CDH24: variants seen among roughly 807,000 people sequenced by gnomAD.
The protein encoded by CDH24 is cadherin-24.
CDH24 carries 61 observed loss-of-function variants against 71.2 expected under a neutral mutation model. The observed-to-expected ratio is 0.86, with a 90% CI of 0.70 to 1.06. The LOEUF (loss-of-function observed/expected upper bound fraction) is 1.06. Ranked by LOEUF, CDH24 falls within the 50% of genes least tolerant of loss-of-function variation. CDH24 has a pLI of 0.00. For missense variants in CDH24, 961 were observed against 1,083.7 expected, an observed-to-expected ratio of 0.89 and a Z score of 1.59; for synonymous variants, 440 against 470.2, an observed-to-expected ratio of 0.94 and a Z score of 0.83.
chr14:23,056,446 G>A (rs1274191923), intron 1 of CDH24, among the ~76,000 whole-genome samples: 1 of 152,204 alleles, frequency 6.6e-6, no homozygotes, highest in Non-Finnish European at 1.5e-5. Flanking sequence ...GATACAGGGT[G>A]GGGGACAGGG....
intron 10 of CDH24, 107 bp from the exon 11 acceptor site, chr14:23,049,382 G>GCCC (rs2047067313): frequency 8.9e-7 from 1 of 1,120,302 alleles, no homozygotes; most frequent in Admixed American, 2.3e-5. Context: ...CATAGAGCCA[G>GCCC]CCCATAGGTC....
chr14:23,054,270 G>C lies in CDH24; in HGVS notation c.843C>G (p.Leu281=). 1.2e-6 allele frequency: 2 copies of C among 1,613,212 alleles called. No individual in the cohort carries two copies. The highest frequency in any genetic ancestry group is 1.7e-6 in the Non-Finnish European group (2 of 1,179,522). Residue 281 remains leucine (L), a synonymous_variant, in exon 6 of 13, where the codon CTC becomes CTG. Transcript: ENST00000487137. This position sits in a 1 kb window ranked among gnomAD's most constrained non-coding sequence, Gnocchi z 5.2. ...TAGPGTLVGR[L]RAQDPDLGDN... ...CCCCCAGGTCTGGGTCCTGGGCCCGGAGCCGGCCCACCAGTGTGCCAGGTC... is the reference window on the plus strand; with the variant it reads ...CCCCCAGGTCTGGGTCCTGGGCCCGCAGCCGGCCCACCAGTGTGCCAGGTC...
chr14:23,053,740 A>T lies in CDH24; in HGVS notation c.982T>A (p.Phe328Ile), dbSNP rs2047102923. The change falls in exon 7 of 13, where the codon TTT (phenylalanine) becomes ATT (isoleucine). Residue 328 changes from phenylalanine to isoleucine, a missense_variant. Transcript: ENST00000487137. ...GLLTVRKPLDFESQRSYSFRV... is the reference protein window; with the variant it reads ...GLLTVRKPLDIESQRSYSFRV... ...AAGGAGTAGGAGCGCTGGCTCTCAA[A>T]GTCTAGGGGCTATGGTGAGGGGAGA... 4 of 1,602,900 alleles carry T rather than the reference A, an allele frequency of 2.5e-6. No individual in the cohort carries two copies. The highest frequency in any genetic ancestry group is 3.4e-6 in the Non-Finnish European group (4 of 1,174,324).
In CDH24 at chr14:23,049,586, G is replaced by A. The variant is rs776628061; in HGVS notation, c.1597+41C>T. ...TAGGGGTGGAGGAGGAGGAGAAGGG[G>A]ACAGAGGCAGGTATGGACATGGCTG... On this transcript the variant is annotated intron_variant, in intron 10 of 12. Coordinates refer to ENST00000487137, the MANE Select transcript of CDH24 (RefSeq NM_144985.4). The A allele has an allele frequency of 2.7e-5, 32 of 1,203,004 alleles. No homozygotes were observed. In the South Asian group the frequency reaches 4.0e-4, roughly 15 times the overall value. The allele number at this position is 1,203,004 out of a possible 1,614,324, so 74.5% of individuals were successfully genotyped here.
rs748984616 is a variant in CDH24, at chr14:23,048,426, C to T, written c.1900G>A (p.Val634Ile). ...LRRQKQEALM[V>I]LEEEDVRENI... ...TCTCGGACGTCCTCCTCCTCCAGTA[C>T]CATCAGTGCTTCTTGCTTCTGCCGC... Residue 634 changes from valine (V) to isoleucine (I), a missense_variant, in exon 12 of 13, where the codon GTA (valine) becomes ATA (isoleucine). Transcript: ENST00000487137. The T allele has an allele frequency of 8.1e-6, 13 of 1,612,148 alleles. No individual in the cohort carries two copies. Among genetic ancestry groups the T allele is most frequent in the Non-Finnish European group, 1.0e-5 (12 of 1,179,634 alleles).
Position 23,055,388 on chromosome 14 carries a change from A to G in CDH24, c.202-35T>C. 1 of 1,596,346 alleles carries G rather than the reference A, an allele frequency of 6.3e-7. No individual in the cohort carries two copies. Among genetic ancestry groups the G allele is most frequent in the Non-Finnish European group, 8.6e-7 (1 of 1,167,084 alleles). On this transcript the variant is annotated intron_variant, in intron 2 of 12. Transcript: ENST00000487137. The surrounding 1 kb of genome is among the most constrained non-coding windows in gnomAD (Gnocchi z 4.1). Reference sequence around the variant, plus strand: ...TCACGAAAAGATGGCAGAGGGCTCCAAGTACAGAGACAGGGTTAAAGAGTC... The same window carrying G: ...TCACGAAAAGATGGCAGAGGGCTCCGAGTACAGAGACAGGGTTAAAGAGTC...
In CDH24 at chr14:23,048,223, G is replaced by A. The variant is rs1442241068; in HGVS notation, c.2103C>T (p.Asp701=). ...GCCGCAGCGCCAGGAGCTGCGCCAC[G>A]TCGGCGGGGCCGGGGGGTCTGGGCT... The part of the protein sequence containing the change: ...SRQPRPPGPA[D]VAQLLALRLR... Residue 701 remains aspartate (D), a synonymous_variant, in exon 12 of 13, where the codon GAC becomes GAT. Coordinates refer to ENST00000487137, the MANE Select transcript of CDH24 (RefSeq NM_144985.4). The A allele has an allele frequency of 7.6e-7, 1 of 1,307,906 alleles. No homozygotes were observed. 81.0% of individuals were successfully genotyped at this position (1,307,906 alleles called of 1,614,324 possible).
At chr14:23,048,543 A>G in intron 11 of CDH24, 64 bp from the exon 12 acceptor site, 2 of 1,543,884 alleles carry the variant, frequency 1.3e-6, no homozygotes, top group Non-Finnish European at 8.8e-7. Context: ...GCCTGTCTCC[A>G]TGTGAAAGGC....
In CDH24 at chr14:23,055,521, G is replaced by A; in HGVS notation, c.201+12C>T. The A allele has an allele frequency of 6.2e-7, 1 of 1,612,972 alleles. No individual in the cohort carries two copies. Among genetic ancestry groups the A allele is most frequent in the East Asian group, 2.2e-5 (1 of 44,858 alleles). On this transcript the variant is annotated intron_variant, in intron 2 of 12. Transcript: ENST00000487137. The surrounding 1 kb of genome is among the most constrained non-coding windows in gnomAD (Gnocchi z 4.1). ...TTGGTGTCAGAGTAGACATGGGAGG[G>A]GTCATCCTTACCTTGCCAATGAGAA...
Position 23,048,345 on chromosome 14 carries a change from C to T in CDH24, c.1981G>A (p.Asp661Asn), listed in dbSNP as rs1390080629. Residue 661 changes from aspartate (D) to asparagine (N), a missense_variant, in exon 12 of 13, where the codon GAC becomes AAC. Physicochemically the swap from Asp to Asn is conservative, Grantham distance 23. Around this residue, in one of 2 missense-constraint regions of CDH24, gnomAD observed 290 missense variants for 272.8 expected, o/e 1.06. Coordinates refer to ENST00000487137, the MANE Select transcript of CDH24 (RefSeq NM_144985.4). ...GGGEEDTEAF[D>N]ITALQNPDGA... ...TCCGGGTTCTGCAAGGCCGTGATGT[C>T]GAAGGCCTCGGTGTCCTCCTCGCCG... 4 of 1,611,628 alleles carry T rather than the reference C, an allele frequency of 2.5e-6. No homozygotes were observed. The East Asian group carries it at 8.9e-5, about 36-fold the overall frequency.
chr14:23,055,797 G>A lies in CDH24; in HGVS notation c.-64C>T. On this transcript the variant is annotated 5_prime_UTR_variant, in exon 2 of 13. Coordinates refer to ENST00000487137, the MANE Select transcript of CDH24 (RefSeq NM_144985.4). The surrounding 1 kb of genome is among the most constrained non-coding windows in gnomAD (Gnocchi z 4.1). ...GTGCTGAGGCTGGGCCAGGCCACGTGGCCCATGAGCTGGCTGGGGTGGAGG... is the reference window on the plus strand; with the variant it reads ...GTGCTGAGGCTGGGCCAGGCCACGTAGCCCATGAGCTGGCTGGGGTGGAGG... 7.1e-7 allele frequency: 1 copy of A among 1,401,198 alleles called. No individual in the cohort carries two copies. The highest frequency in any genetic ancestry group is 9.5e-7 in the Non-Finnish European group (1 of 1,052,722). 86.8% of individuals were successfully genotyped at this position (1,401,198 alleles called of 1,614,324 possible).
Position 23,048,128 on chromosome 14 carries a change from C to T in CDH24, c.2198G>A (p.Arg733His). The T allele has an allele frequency of 7.1e-7, 1 of 1,399,544 alleles. No homozygotes were observed. 86.7% of individuals were successfully genotyped at this position (1,399,544 alleles called of 1,614,324 possible). A position where few individuals can be genotyped will look rare whatever the true frequency, so the allele number is the denominator to read the frequency against. Residue 733 changes from arginine to histidine, a missense_variant, in exon 12 of 13, where the codon CGC (arginine) becomes CAC (histidine). Around this residue, in one of 2 missense-constraint regions of CDH24, gnomAD observed 290 missense variants for 272.8 expected, o/e 1.06. Transcript: ENST00000487137. ...DSVQVYGYEG[R>H]GSSCGSLSSL... ...GCTGAGGGAGCCGCAAGAGGAGCCG[C>T]GGCCCTCGTAGCCGTACACCTGCAC...
rs1594722408 is a variant in CDH24, at chr14:23,047,974, G to T, written c.*6C>A. ...CCCCCGCGGTGGGCCGGGCCAGCCCGGGCGCTCAGGGGGCCGGGGGCTCCT... is the reference window on the plus strand; with the variant it reads ...CCCCCGCGGTGGGCCGGGCCAGCCCTGGCGCTCAGGGGGCCGGGGGCTCCT... On this transcript the variant is annotated 3_prime_UTR_variant, in exon 12 of 13. Transcript: ENST00000487137. The T allele has an allele frequency of 2.3e-6, 3 of 1,321,510 alleles. No individual in the cohort carries two copies. The highest frequency in any genetic ancestry group is 3.3e-5 in the East Asian group (1 of 30,522). The allele number at this position is 1,321,510 out of a possible 1,614,324, so 81.9% of individuals were successfully genotyped here.
Position 23,049,924 on chromosome 14 carries a change from C to T in CDH24, c.1383G>A (p.Ser461=), listed in dbSNP as rs776221201. The change falls in exon 9 of 13, where the codon TCG becomes TCA. Residue 461 remains serine (S), a synonymous_variant. Coordinates refer to ENST00000487137, the MANE Select transcript of CDH24 (RefSeq NM_144985.4). ...GGGTCTGGATGGCCACTTGCACGCG[C>T]GAGGCCTGTGCAGAACTGTCTGAAG... ...ATELDSSAQA[S]RVQVAIQTLD... 1.7e-5 allele frequency: 27 copies of T among 1,613,726 alleles called. No homozygotes were observed. Among genetic ancestry groups the T allele is most frequent in the South Asian group, 1.3e-4 (12 of 91,082 alleles).
chr14:23,052,841 A>G (rs2047095302), intron 7 of CDH24, among the ~76,000 whole-genome samples: 1 of 152,040 alleles, frequency 6.6e-6, no homozygotes, highest in African/African-American at 2.4e-5. Flanking sequence ...GGGGGAGAAG[A>G]CACAGAATGG....
rs778996021 is a variant in CDH24, at chr14:23,055,013, A to T, written c.496+46T>A. 1 of 1,592,946 alleles carries T rather than the reference A, an allele frequency of 6.3e-7. No individual in the cohort carries two copies. Among genetic ancestry groups the T allele is most frequent in the Non-Finnish European group, 8.6e-7 (1 of 1,166,476 alleles). On this transcript the variant is annotated intron_variant, in intron 3 of 12. Coordinates refer to ENST00000487137, the MANE Select transcript of CDH24 (RefSeq NM_144985.4). The surrounding 1 kb of genome is among the most constrained non-coding windows in gnomAD (Gnocchi z 4.1). ...ACAAGAAGGGAAGGAGAGGTGAGAG[A>T]GCTCCAGAAGACGGGAACTGGGGCA...
In CDH24 at chr14:23,053,380, G is replaced by A. The variant is rs977338284; in HGVS notation, c.1226+116C>T. On this transcript the variant is annotated intron_variant, in intron 7 of 12. Coordinates refer to ENST00000487137, the MANE Select transcript of CDH24 (RefSeq NM_144985.4). ...GACCAGCAAGCCCAGCTGCAGGGAG[G>A]GAGGCTTTTGCTGGGATATGAGTGA... 7 of 1,242,774 alleles carry A rather than the reference G, an allele frequency of 5.6e-6. No homozygotes were observed. The African/African-American group carries it at 1.1e-4, about 19-fold the overall frequency. The allele number at this position is 1,242,774 out of a possible 1,614,324, so 77.0% of individuals were successfully genotyped here.
chr14:23,054,928 T>TGC lies in CDH24; in HGVS notation c.497-63_497-62insGC. Reference sequence around the variant, plus strand: ...GGGAAGGATGGGGAAGAACAACCGATGGGGGGGGATGCAGATACGAGGGAG... The same window carrying TGC: ...GGGAAGGATGGGGAAGAACAACCGATGCGGGGGGGGATGCAGATACGAGGGAG... On this transcript the variant is annotated intron_variant, in intron 3 of 12. Coordinates refer to ENST00000487137, the MANE Select transcript of CDH24 (RefSeq NM_144985.4). The surrounding 1 kb of genome is among the most constrained non-coding windows in gnomAD (Gnocchi z 5.2). The TGC allele has an allele frequency of 6.3e-7, 1 of 1,576,078 alleles. No homozygotes were observed. The highest frequency in any genetic ancestry group is 8.6e-7 in the Non-Finnish European group (1 of 1,156,570).
chr14:23,047,893 T>TG lies in CDH24; in HGVS notation c.*86dup, dbSNP rs1445991953. 1.3e-4 allele frequency: 137 copies of TG among 1,085,958 alleles called. No homozygotes were observed. Among genetic ancestry groups the TG allele is most frequent in the Non-Finnish European group, 1.5e-4 (131 of 850,610 alleles). The allele number at this position is 1,085,958 out of a possible 1,614,324, so 67.3% of individuals were successfully genotyped here. ...AGGAGGCCTGGGGCCCCTGGGCTGCTGCCGCCCGCCTGGACCCCGTGGGGC... is the reference window on the plus strand; with the variant it reads ...AGGAGGCCTGGGGCCCCTGGGCTGCTGGCCGCCCGCCTGGACCCCGTGGGGC... On this transcript the variant is annotated 3_prime_UTR_variant, in exon 12 of 13. Transcript: ENST00000487137.
Sources: allele counts gnomAD v4.1 joint callset (sites outside exome capture counted in the v4.1 genomes callset), GRCh38; gene constraint gnomAD v4.1.1; regional missense constraint gnomAD v4.1.1; non-coding constraint Gnocchi (gnomAD v3.1); transcripts MANE v1.5; gene names NCBI Gene and HGNC (gene_info 2026-07-23, HGNC 2026-07-21).